EYS: variants seen among roughly 807,000 people sequenced by gnomAD.
EYS encodes the protein protein eyes shut homolog.
A neutral mutation model predicts 282.1 loss-of-function variants in EYS; 250 were observed. That is an observed-to-expected ratio of 0.89 (90% confidence interval 0.80 to 0.98). The LOEUF is 0.98. Ranked by LOEUF, EYS falls within the 50% of genes least tolerant of loss-of-function variation. The pLI is 0.00. For missense variants in EYS, 4,016 were observed against 3,709.0 expected (o/e 1.08, Z -2.15); for synonymous variants, 1,355 against 1,282.9 (o/e 1.06, Z -1.20).
chr6:64,449,003 G>A (rs182120541), intron 26 of EYS, among the ~76,000 whole-genome samples: 109 of 152,324 alleles, frequency 7.2e-4, no homozygotes, highest in African/African-American at 2.4e-3. Flanking sequence ...AAAGCTGGAC[G>A]GAGAATGACT....
chr6:65,686,588 G>A (rs529901701), intron 1 of EYS, among the ~76,000 whole-genome samples: 9 of 152,208 alleles, frequency 5.9e-5, no homozygotes, highest in African/African-American at 2.2e-4. Flanking sequence ...GGGAGAACAG[G>A]AGGATTCATA....
At chr6:64,725,696 C>T (rs1771728677) in intron 22 of EYS, among the ~76,000 whole-genome samples, 1 of 152,052 alleles carries the variant, frequency 6.6e-6, no homozygotes, top group African/African-American at 2.4e-5. Flanking sequence ...CCAAGACCTC[C>T]AGCACAGAGG....
At chr6:65,154,893 A>G (rs1217280707) in intron 12 of EYS, among the ~76,000 whole-genome samples, 2 of 151,660 alleles carry the variant, frequency 1.3e-5, no homozygotes, top group African/African-American at 2.4e-5. Flanking sequence ...AAGGAATTCA[A>G]CCAGGTCACA....
intron 30 of EYS, among the ~76,000 whole-genome samples, chr6:64,255,577 G>A (rs1382610885): frequency 6.6e-6 from 1 of 151,974 alleles, no homozygotes; most frequent in Non-Finnish European, 1.5e-5. Flanking sequence ...GGATTAAACA[G>A]ATTACCATTT....
chr6:64,767,383 CT>C (rs1161671971), intron 22 of EYS, among the ~76,000 whole-genome samples: 1 of 152,064 alleles, frequency 6.6e-6, no homozygotes, highest in African/African-American at 2.4e-5. Flanking sequence ...TCTTTTCTAG[CT>C]GTAATTTTGT....
intron 31 of EYS, 64 bp from the exon 32 acceptor site, chr6:64,082,066 A>T: frequency 8.8e-7 from 1 of 1,135,038 alleles, no homozygotes. Context: ...GTAGATAAAA[A>T]CTTAGCATTT....
At chr6:65,042,864 T>TTA (rs1306190914) in intron 13 of EYS, among the ~76,000 whole-genome samples, 1 of 151,234 alleles carries the variant, frequency 6.6e-6, no homozygotes. Context: ...ATTAAAATTA[T>TTA]TATATATATG....
At chr6:64,756,387 T>G (rs1004031032) in intron 22 of EYS, among the ~76,000 whole-genome samples, 3 of 152,208 alleles carry the variant, frequency 2.0e-5, no homozygotes, top group African/African-American at 7.2e-5. Flanking sequence ...GATCTTGCTT[T>G]TTTAAGCATT....
intron 12 of EYS, 71 bp downstream of exon 12, chr6:65,295,792 A>G (rs1198654020): frequency 8.1e-7 from 1 of 1,229,640 alleles, no homozygotes; most frequent in Non-Finnish European, 1.1e-6. Context: ...TATATTTGAG[A>G]TATATCAAAT....
At chr6:64,757,669 T>C (rs1020427672) in intron 22 of EYS, among the ~76,000 whole-genome samples, 1 of 152,162 alleles carries the variant, frequency 6.6e-6, no homozygotes, top group South Asian at 2.1e-4. Context: ...TTATGTCTTC[T>C]CACTCCACCT....
At chr6:64,508,271 G>A (rs1458883857) in intron 26 of EYS, among the ~76,000 whole-genome samples, 1 of 151,936 alleles carries the variant, frequency 6.6e-6, no homozygotes, top group South Asian at 2.1e-4. Flanking sequence ...GTTATTCTGT[G>A]TTGATCAAAA....
intron 22 of EYS, among the ~76,000 whole-genome samples, chr6:64,697,392 TATTATTAGACCTAAGGAAA>T (rs1770617787): frequency 1.3e-5 from 2 of 151,940 alleles, no homozygotes; most frequent in Non-Finnish European, 2.9e-5. Flanking sequence ...GTAAAACAAA[TATTATTAGACCTAAGGAAA>T]GGGAGAGACA....
intron 1 of EYS, among the ~76,000 whole-genome samples, chr6:65,690,061 G>A (rs1484822346): frequency 6.7e-6 from 1 of 150,002 alleles, no homozygotes; most frequent in African/African-American, 2.4e-5. Context: ...TGGTCACATG[G>A]GGATGAAGTA....
chr6:65,108,649 CTT>C (rs1348133514), intron 12 of EYS, among the ~76,000 whole-genome samples: 1 of 152,030 alleles, frequency 6.6e-6, no homozygotes, highest in Admixed American at 6.6e-5. Context: ...GCAATTGACT[CTT>C]AATAATTTAT....
chr6:65,142,295 A>C (rs1764366347), intron 12 of EYS, among the ~76,000 whole-genome samples: 1 of 143,592 alleles, frequency 7.0e-6, no homozygotes, highest in Non-Finnish European at 1.5e-5. Flanking sequence ...GTGTACAAAA[A>C]GGAAATGGTT....
intron 26 of EYS, among the ~76,000 whole-genome samples, chr6:64,484,881 G>A (rs1174786466): frequency 6.6e-6 from 1 of 151,590 alleles, no homozygotes; most frequent in Non-Finnish European, 1.5e-5. Context: ...TTAGGGCTCT[G>A]AGGAAAGGAA....
intron 31 of EYS, among the ~76,000 whole-genome samples, chr6:64,227,644 T>C (rs181891397): frequency 1.1e-3 from 170 of 152,178 alleles, no homozygotes; most frequent in African/African-American, 4.0e-3. Context: ...GAGGGTTAAG[T>C]GAAATAAGAT....
At chr6:64,765,331 A>G (rs1055220409) in intron 22 of EYS, among the ~76,000 whole-genome samples, 5 of 152,060 alleles carry the variant, frequency 3.3e-5, no homozygotes, top group African/African-American at 1.2e-4. Flanking sequence ...TGTCCATATC[A>G]CTAGCACCAT....
chr6:64,640,634 G>A (rs928368118), intron 22 of EYS, among the ~76,000 whole-genome samples: 1 of 151,760 alleles, frequency 6.6e-6, no homozygotes, highest in African/African-American at 2.4e-5. Context: ...ACGAGTTAAT[G>A]GGTGCAGCAC....
Sources: allele counts gnomAD v4.1 joint callset (sites outside exome capture counted in the v4.1 genomes callset), GRCh38; gene constraint gnomAD v4.1.1; transcripts MANE v1.5; gene names NCBI Gene and HGNC (gene_info 2026-07-23, HGNC 2026-07-21).